MOCS3: variants seen among roughly 807,000 people sequenced by gnomAD.
The protein encoded by MOCS3 is adenylyltransferase and sulfurtransferase MOCS3.
A neutral mutation model predicts 8.4 loss-of-function variants in MOCS3; 9 were observed. The ratio of observed to expected loss-of-function variants is 1.07; its 90% CI spans 0.65 to 1.87. The LOEUF (loss-of-function observed/expected upper bound fraction) is 1.87. MOCS3 is among the 40% of genes most tolerant of loss of function. The probability of loss-of-function intolerance (pLI) is 0.00; values close to 1 mark genes in which losing one functional copy is unlikely to be tolerated. For missense variants in MOCS3, 581 were observed against 599.7 expected (o/e 0.97, Z 0.33); for synonymous variants, 294 against 272.0 (o/e 1.08, Z -0.80).
In MOCS3 at chr20:50,959,310, G is replaced by A. The variant is rs755214768; in HGVS notation, c.468G>A (p.Pro156=). ...TCAATTCGGCAGTGGAATGCGTGCCGTACACTCAGGCCCTTACGCCAGCCA... is the reference window on the plus strand; with the variant it reads ...TCAATTCGGCAGTGGAATGCGTGCCATACACTCAGGCCCTTACGCCAGCCA... The part of the protein sequence containing the change: ...RRLNSAVECV[P]YTQALTPATA... The change falls in exon 1 of 1, where the codon CCG becomes CCA. Residue 156 remains proline (P), a synonymous_variant. Transcript: ENST00000244051. 3.1e-6 allele frequency: 5 copies of A among 1,610,376 alleles called. No homozygotes were observed. The highest frequency in any genetic ancestry group is 3.4e-6 in the Non-Finnish European group (4 of 1,179,358).
chr20:50,959,465 T>TA lies in MOCS3; in HGVS notation c.623_624insA (p.Phe208LeufsTer11). 1 of 1,614,076 alleles carries TA rather than the reference T, an allele frequency of 6.2e-7. No homozygotes were observed. Among genetic ancestry groups the TA allele is most frequent in the Non-Finnish European group, 8.5e-7 (1 of 1,180,042 alleles). On this transcript the variant is annotated frameshift_variant, in exon 1 of 1. Coordinates refer to ENST00000244051, the MANE Select transcript of MOCS3 (RefSeq NM_014484.5). LOFTEE classifies it low-confidence loss of function (END_TRUNC). The stretch of plus-strand genomic sequence containing the variant: ...CTCGTGTCTGCCAGTGCCTTGCGCT[T>TA]CGAGGGCCAAATCACAGTCTACCAT...
In MOCS3 at chr20:50,959,402, A is replaced by G. The variant is rs764058661; in HGVS notation, c.560A>G (p.Tyr187Cys). The change falls in exon 1 of 1, where the codon TAC (tyrosine) becomes TGC (cysteine). Residue 187 changes from tyrosine to cysteine, a missense_variant. Coordinates refer to ENST00000244051, the MANE Select transcript of MOCS3 (RefSeq NM_014484.5). ...ADCSDNVPTR[Y>C]LVNDACVLAG... ...TGCTCGGACAACGTGCCCACTCGCT[A>G]CCTGGTTAATGACGCATGTGTGCTG... The G allele has an allele frequency of 2.5e-6, 4 of 1,613,516 alleles. No individual in the cohort carries two copies. Among genetic ancestry groups the G allele is most frequent in the Non-Finnish European group, 3.4e-6 (4 of 1,179,878 alleles).
rs1987051869 is a variant in MOCS3 at position 50,959,815 on chromosome 20, CGCTCCCTGCAACTACT to C, written c.975_990del (p.Ser326AlafsTer45). The stretch of plus-strand genomic sequence containing the variant: ...TGGCTCCTCAGCCACTGATAAATGC[CGCTCCCTGCAACTACT>C]GAGCCCAGAGGAGCGTGTTTCTGTC... On this transcript the variant is annotated frameshift_variant, in exon 1 of 1. Transcript: ENST00000244051. LOFTEE classifies it low-confidence loss of function (END_TRUNC). The C allele has an allele frequency of 6.2e-7, 1 of 1,614,242 alleles. No homozygotes were observed. The highest frequency in any genetic ancestry group is 1.3e-5 in the African/African-American group (1 of 75,066).
rs200423195 is a variant in MOCS3, at chr20:50,960,745, ATTT to A, written c.*534_*536del. 2.0e-5 allele frequency: 3 copies of A among 151,304 alleles called. No individual in the cohort carries two copies. Among genetic ancestry groups the A allele is most frequent in the African/African-American group, 2.6e-5 (1 of 39,112 alleles). The allele number at this position is 151,304 out of a possible 1,614,324, so 9.4% of individuals were successfully genotyped here. A position where few individuals can be genotyped will look rare whatever the true frequency, so the allele number is the denominator to read the frequency against. On this transcript the variant is annotated 3_prime_UTR_variant, in exon 1 of 1. Transcript: ENST00000244051. ...CCTTTTGAATTAGTATCAAAATGAG[ATTT>A]TTTTTTTTTTTTTGAGATGGAATCT...
In MOCS3 at chr20:50,959,896, C is replaced by G. The variant is rs1987056182; in HGVS notation, c.1054C>G (p.Leu352Val). The change falls in exon 1 of 1, where the codon CTG becomes GTG. Residue 352 changes from leucine to valine, a missense_variant. Transcript: ENST00000244051. ...KRLLDSGAFH[L>V]LLDVRPQVEV... Reference sequence around the variant, plus strand: ...ACTGCTGGATTCTGGGGCATTCCACCTGTTGCTGGACGTCAGGCCTCAGGT... The same window carrying G: ...ACTGCTGGATTCTGGGGCATTCCACGTGTTGCTGGACGTCAGGCCTCAGGT... 1 of 1,614,146 alleles carries G rather than the reference C, an allele frequency of 6.2e-7. No individual in the cohort carries two copies. The highest frequency in any genetic ancestry group is 8.5e-7 in the Non-Finnish European group (1 of 1,180,044).
In MOCS3 at chr20:50,963,393, T is replaced by A. The variant is rs910977640; in HGVS notation, c.*3168T>A. 4.0e-5 allele frequency: 6 copies of A among 150,526 alleles called. No individual in the cohort carries two copies. Among genetic ancestry groups the A allele is most frequent in the Admixed American group, 2.0e-4 (3 of 14,966 alleles). The allele number at this position is 150,526 out of a possible 1,614,324, so 9.3% of individuals were successfully genotyped here. ...TTACTGATAAGTGCCATAAAAGAAA[T>A]GAAACTGTGACATATTAGGGTGGGG... is the stretch of plus-strand genomic sequence containing the variant. On this transcript the variant is annotated 3_prime_UTR_variant, in exon 1 of 1. Coordinates refer to ENST00000244051, the MANE Select transcript of MOCS3 (RefSeq NM_014484.5).
rs1987001738 is a variant in MOCS3 at position 50,958,935 on chromosome 20, T to C, written c.93T>C (p.Ala31=). 6.2e-7 allele frequency: 1 copy of C among 1,610,418 alleles called. No individual in the cohort carries two copies. ...CGCTGAAGCAGAAGCTGGCGTCGGC[T>C]CTTTTGGCTGAGCAGGAACCGCAGC... ...LNSLKQKLAS[A]LLAEQEPQPE... Residue 31 remains alanine (A), a synonymous_variant, in exon 1 of 1, where the codon GCT becomes GCC. Transcript: ENST00000244051.
chr20:50,960,060 C>T lies in MOCS3; in HGVS notation c.1218C>T (p.Val406=), dbSNP rs1243449298. ...AGGGCACACAAGAAGGGGCTGCTGT[C>T]CCCATTTATGTGATTTGCAAACTGG... ...EKQGTQEGAA[V]PIYVICKLGN... The change falls in exon 1 of 1, where the codon GTC becomes GTT. Residue 406 remains valine (V), a synonymous_variant. Coordinates refer to ENST00000244051, the MANE Select transcript of MOCS3 (RefSeq NM_014484.5). 6.2e-7 allele frequency: 1 copy of T among 1,614,130 alleles called. No individual in the cohort carries two copies. The highest frequency in any genetic ancestry group is 1.3e-5 in the African/African-American group (1 of 74,936).
rs974346463 is a variant in MOCS3 at position 50,960,468 on chromosome 20, A to G, written c.*243A>G. On this transcript the variant is annotated 3_prime_UTR_variant, in exon 1 of 1. Transcript: ENST00000244051. ...TCAGCACACGGAGGATGTCTTGGACATGTGAGATGTAACGTGACAGGATTT... is the reference window on the plus strand; with the variant it reads ...TCAGCACACGGAGGATGTCTTGGACGTGTGAGATGTAACGTGACAGGATTT... 7.1e-6 allele frequency: 3 copies of G among 420,322 alleles called. No individual in the cohort carries two copies. Among genetic ancestry groups the G allele is most frequent in the African/African-American group, 4.1e-5 (2 of 49,128 alleles). The allele number at this position is 420,322 out of a possible 1,614,324, so 26.0% of individuals were successfully genotyped here. A position where few individuals can be genotyped will look rare whatever the true frequency, so the allele number is the denominator to read the frequency against.
Position 50,959,201 on chromosome 20 carries a change from G to C in MOCS3, c.359G>C (p.Ser120Thr). 6.2e-7 allele frequency: 1 copy of C among 1,612,036 alleles called. No homozygotes were observed. ...GTGGACTATGACGTGGTAGAGATGA[G>C]CAACCTGGCCCGCCAAGTGCTGCAT... ...GLVDYDVVEM[S>T]NLARQVLHGE... Residue 120 changes from serine to threonine, a missense_variant, in exon 1 of 1, where the codon AGC (serine) becomes ACC (threonine). Ser to Thr is a moderately conservative substitution (Grantham distance 58). Coordinates refer to ENST00000244051, the MANE Select transcript of MOCS3 (RefSeq NM_014484.5).
Position 50,959,864 on chromosome 20 carries a change from A to C in MOCS3, c.1022A>C (p.Tyr341Ser). The C allele has an allele frequency of 1.2e-6, 2 of 1,614,232 alleles. No homozygotes were observed. The highest frequency in any genetic ancestry group is 1.7e-6 in the Non-Finnish European group (2 of 1,180,006). The change falls in exon 1 of 1, where the codon TAT (tyrosine) becomes TCT (serine). Residue 341 changes from tyrosine to serine, a missense_variant. By Grantham distance (144) the Tyr-to-Ser change is moderately radical (BLOSUM62 -2). Transcript: ENST00000244051. Reference protein sequence around the residue: ...SPEERVSVTDYKRLLDSGAFH... With the variant: ...SPEERVSVTDSKRLLDSGAFH... ...GAGGAGCGTGTTTCTGTCACCGACT[A>C]TAAGCGACTGCTGGATTCTGGGGCA...
chr20:50,963,559 C>G lies in MOCS3; in HGVS notation c.*3334C>G, dbSNP rs1160126226. The G allele has an allele frequency of 6.6e-6, 1 of 152,156 alleles. No homozygotes were observed. The highest frequency in any genetic ancestry group is 1.5e-5 in the Non-Finnish European group (1 of 68,032). 9.4% of individuals were successfully genotyped at this position (152,156 alleles called of 1,614,324 possible). A position where few individuals can be genotyped will look rare whatever the true frequency, so the allele number is the denominator to read the frequency against. On this transcript the variant is annotated 3_prime_UTR_variant, in exon 1 of 1. Transcript: ENST00000244051. ...GGGAGAAAAATAACTGTAAAGACCT[C>G]AAGGTAAATAAACTTGGAATGTTCC...
Position 50,958,874 on chromosome 20 carries a change from A to T in MOCS3, c.32A>T (p.Gln11Leu), listed in dbSNP as rs749687549. ...TCCCGGGAGGAGGTACTCGCCTTAC[A>T]AGCTGAAGTTGCCCAACGTGAGGAG... The part of the protein sequence containing the change: MASREEVLAL[Q>L]AEVAQREEEL... Residue 11 changes from glutamine (Q) to leucine (L), a missense_variant, in exon 1 of 1, where the codon CAA becomes CTA. Gln to Leu is a moderately radical substitution (Grantham distance 113). Coordinates refer to ENST00000244051, the MANE Select transcript of MOCS3 (RefSeq NM_014484.5). 1.3e-6 allele frequency: 2 copies of T among 1,598,038 alleles called. No homozygotes were observed. Among genetic ancestry groups the T allele is most frequent in the East Asian group, 2.3e-5 (1 of 44,432 alleles).
chr20:50,959,438 C>G lies in MOCS3; in HGVS notation c.596C>G (p.Pro199Arg). The G allele has an allele frequency of 6.2e-7, 1 of 1,613,980 alleles. No individual in the cohort carries two copies. Among genetic ancestry groups the G allele is most frequent in the Non-Finnish European group, 8.5e-7 (1 of 1,180,034 alleles). Residue 199 changes from proline to arginine, a missense_variant, in exon 1 of 1, where the codon CCC becomes CGC. By Grantham distance (103) the Pro-to-Arg change is moderately radical. Coordinates refer to ENST00000244051, the MANE Select transcript of MOCS3 (RefSeq NM_014484.5). ...VNDACVLAGR[P>R]LVSASALRFE... is the part of the protein sequence containing the mutation. ...GACGCATGTGTGCTGGCGGGTCGGC[C>G]CCTCGTGTCTGCCAGTGCCTTGCGC...
In MOCS3 at chr20:50,959,492, A is replaced by T. The variant is rs1230387031; in HGVS notation, c.650A>T (p.Tyr217Phe). ...RFEGQITVYHYDGGPCYRCIF... is the reference protein window; with the variant it reads ...RFEGQITVYHFDGGPCYRCIF... Reference sequence around the variant, plus strand: ...GAGGGCCAAATCACAGTCTACCATTATGACGGTGGCCCTTGCTATCGCTGC... The same window carrying T: ...GAGGGCCAAATCACAGTCTACCATTTTGACGGTGGCCCTTGCTATCGCTGC... Residue 217 changes from tyrosine (Y) to phenylalanine (F), a missense_variant, in exon 1 of 1, where the codon TAT becomes TTT. Coordinates refer to ENST00000244051, the MANE Select transcript of MOCS3 (RefSeq NM_014484.5). The T allele has an allele frequency of 6.2e-7, 1 of 1,614,078 alleles. No individual in the cohort carries two copies. The highest frequency in any genetic ancestry group is 8.5e-7 in the Non-Finnish European group (1 of 1,180,028).
rs1325144543 is a variant in MOCS3 at position 50,961,744 on chromosome 20, G to A, written c.*1519G>A. 6.6e-6 allele frequency: 1 copy of A among 152,114 alleles called. No individual in the cohort carries two copies. Among genetic ancestry groups the A allele is most frequent in the Admixed American group, 6.5e-5 (1 of 15,274 alleles). 9.4% of individuals were successfully genotyped at this position (152,114 alleles called of 1,614,324 possible). On this transcript the variant is annotated 3_prime_UTR_variant, in exon 1 of 1. Transcript: ENST00000244051. ...TGTGAAACATTGTAACTAATTCTTT[G>A]AACAGGTATACTTAAAGTATGGTAT...
rs982015438 is a variant in MOCS3 at position 50,961,633 on chromosome 20, C to A, written c.*1408C>A. 6.6e-6 allele frequency: 1 copy of A among 152,106 alleles called. No homozygotes were observed. The highest frequency in any genetic ancestry group is 6.5e-5 in the Admixed American group (1 of 15,268). 9.4% of individuals were successfully genotyped at this position (152,106 alleles called of 1,614,324 possible). On this transcript the variant is annotated 3_prime_UTR_variant, in exon 1 of 1. Transcript: ENST00000244051. The stretch of plus-strand genomic sequence containing the variant: ...ACCCTTTGTAGACCAGATTTACTTA[C>A]CAGTTTGCAATTTGTGATATAGAAT...
rs1308279180 is a variant in MOCS3, at chr20:50,960,464, G to A, written c.*239G>A. On this transcript the variant is annotated 3_prime_UTR_variant, in exon 1 of 1. Coordinates refer to ENST00000244051, the MANE Select transcript of MOCS3 (RefSeq NM_014484.5). The stretch of plus-strand genomic sequence containing the variant: ...TTTTTCAGCACACGGAGGATGTCTT[G>A]GACATGTGAGATGTAACGTGACAGG... 7.0e-6 allele frequency: 3 copies of A among 427,930 alleles called. No homozygotes were observed. Among genetic ancestry groups the A allele is most frequent in the Non-Finnish European group, 1.3e-5 (3 of 233,370 alleles). The allele number at this position is 427,930 out of a possible 1,614,324, so 26.5% of individuals were successfully genotyped here. A position where few individuals can be genotyped will look rare whatever the true frequency, so the allele number is the denominator to read the frequency against.
rs564590527 is a variant in MOCS3 at position 50,961,433 on chromosome 20, A to C, written c.*1208A>C. On this transcript the variant is annotated 3_prime_UTR_variant, in exon 1 of 1. Transcript: ENST00000244051. The stretch of plus-strand genomic sequence containing the variant: ...GTGCCTATCAGTGGCCAGATGAACT[A>C]ATGGCTTGTCAGAAGGGGGCCTGTG... 1 of 153,176 alleles carries C rather than the reference A, an allele frequency of 6.5e-6. No homozygotes were observed. The highest frequency in any genetic ancestry group is 2.1e-4 in the South Asian group (1 of 4,832). The allele number at this position is 153,176 out of a possible 1,614,324, so 9.5% of individuals were successfully genotyped here.
Sources: allele counts gnomAD v4.1 joint callset, GRCh38; gene constraint gnomAD v4.1.1; transcripts MANE v1.5; gene names NCBI Gene and HGNC (gene_info 2026-07-23, HGNC 2026-07-21).